MLLT1: variants seen among roughly 807,000 people sequenced by gnomAD.
The protein encoded by MLLT1 is MLLT1 super elongation complex subunit, also known as protein ENL.
MLLT1 carries 11 observed loss-of-function variants against 55.1 expected under a neutral mutation model. The ratio of observed to expected loss-of-function variants is 0.20; its 90% CI spans 0.13 to 0.33. MLLT1 has a LOEUF of 0.33. MLLT1 is among the 10% of genes least tolerant of loss of function. MLLT1 has a pLI of 1.00. For synonymous variants in MLLT1, 323 were observed against 320.1 expected, an observed-to-expected ratio of 1.01 and a Z score of -0.10; for missense variants, 536 against 760.6, an observed-to-expected ratio of 0.70 and a Z score of 3.47.
At chr19:6,237,126 T>C (rs2091070145) in intron 3 of MLLT1, among the ~76,000 whole-genome samples, 1 of 152,196 alleles carries the variant, frequency 6.6e-6, no homozygotes, top group African/African-American at 2.4e-5. Flanking sequence ...TGGTGCTCCT[T>C]GGGATGAGGA....
In MLLT1 at chr19:6,212,024, A is replaced by C. The variant is rs2090778104; in HGVS notation, c.*1018T>G. 8 of 1,065,772 alleles carry C rather than the reference A, an allele frequency of 7.5e-6. No homozygotes were observed. The highest frequency in any genetic ancestry group is 9.1e-6 in the Non-Finnish European group (8 of 879,290). 66.0% of individuals were successfully genotyped at this position (1,065,772 alleles called of 1,614,324 possible). A position where few individuals can be genotyped will look rare whatever the true frequency, so the allele number is the denominator to read the frequency against. On this transcript the variant is annotated 3_prime_UTR_variant, in exon 12 of 12. Coordinates refer to ENST00000252674, the MANE Select transcript of MLLT1 (RefSeq NM_005934.4). ...GACCAGAGTTCAATGCGCCTCAGAA[A>C]ACTCCATAAACTATCCCGTCTTATT...
chr19:6,272,090 C>T (rs1468681448), intron 1 of MLLT1, among the ~76,000 whole-genome samples: 1 of 151,912 alleles, frequency 6.6e-6, no homozygotes, highest in African/African-American at 2.4e-5. Flanking sequence ...CCCACCCCCG[C>T]CCGCCATGTT....
At chr19:6,267,778 C>T (rs8099971) in intron 2 of MLLT1, among the ~76,000 whole-genome samples, 49,618 of 152,104 alleles carry the variant, frequency 0.33, 9,460 homozygotes, top group East Asian at 0.64. Context: ...TCTTGGTCTT[C>T]GTCAATAAGC....
intron 2 of MLLT1, among the ~76,000 whole-genome samples, chr19:6,269,528 C>T (rs1005764049): frequency 5.9e-5 from 9 of 152,214 alleles, no homozygotes; most frequent in Non-Finnish European, 8.8e-5. Context: ...CTGAGGGAAT[C>T]GCAGGTGGGC....
intron 3 of MLLT1, among the ~76,000 whole-genome samples, chr19:6,232,353 T>A (rs2144881389): frequency 6.6e-6 from 1 of 152,316 alleles, no homozygotes; most frequent in East Asian, 1.9e-4. Context: ...AGGAGTCTCT[T>A]CAACCAATGG....
At position 6,219,794 on chromosome 19, in the gene MLLT1, A is replaced by T. The variant is rs1371636840; in HGVS notation, c.1111-1753T>A. On this transcript the variant is annotated intron_variant, in intron 6 of 11. Transcript: ENST00000252674. This position sits in a 1 kb window ranked among gnomAD's most constrained non-coding sequence, Gnocchi z 4.5. ...GCACAAGGTCAGCAGGGATGGAAGC[A>T]GAGAGGATGCTGAGCCCCGAGAGGC... 6.6e-6 allele frequency among the ~76,000 whole-genome samples: 1 copy of T among 152,240 alleles called. No individual in the cohort carries two copies. Among genetic ancestry groups the T allele is most frequent in the African/African-American group, 2.4e-5 (1 of 41,464 alleles).
intron 2 of MLLT1, chr19:6,263,548 C>A (rs2091322552): frequency 6.6e-6 from 1 of 152,384 alleles, no homozygotes; most frequent in Non-Finnish European, 1.5e-5. Flanking sequence ...GTGACGGGTA[C>A]TCCAAGCCTG....
intron 2 of MLLT1, among the ~76,000 whole-genome samples, chr19:6,267,503 G>T (rs2091358363): frequency 6.6e-6 from 1 of 152,038 alleles, no homozygotes; most frequent in South Asian, 2.1e-4. Flanking sequence ...GAAGTAAGGG[G>T]GTATTCCAAA....
intron 3 of MLLT1, among the ~76,000 whole-genome samples, chr19:6,244,030 C>G (rs1336731133): frequency 8.2e-6 from 1 of 121,560 alleles, no homozygotes; most frequent in African/African-American, 3.3e-5. Context: ...GGTGACAGAG[C>G]AAGACTCCAC....
At chr19:6,220,830 C>T (rs1234184192) in intron 6 of MLLT1, among the ~76,000 whole-genome samples, 1 of 152,182 alleles carries the variant, frequency 6.6e-6, no homozygotes, top group Non-Finnish European at 1.5e-5. Flanking sequence ...CCAGCAGGCA[C>T]CGCCAGGCCC....
In MLLT1 at chr19:6,219,973, CA is replaced by C. The variant is rs2090880081; in HGVS notation, c.1111-1933del. Reference sequence around the variant, plus strand: ...CCTAAGGTGGTGTGATCAGAAGGGCCACCGGAGCACGCCCGGGGCTCAGAGG... The same window carrying C: ...CCTAAGGTGGTGTGATCAGAAGGGCCCCGGAGCACGCCCGGGGCTCAGAGG... On this transcript the variant is annotated intron_variant, in intron 6 of 11. Coordinates refer to ENST00000252674, the MANE Select transcript of MLLT1 (RefSeq NM_005934.4). The surrounding 1 kb of genome is among the most constrained non-coding windows in gnomAD (Gnocchi z 4.5). 6.6e-6 allele frequency among the ~76,000 whole-genome samples: 1 copy of C among 152,208 alleles called. No homozygotes were observed. The highest frequency in any genetic ancestry group is 2.4e-5 in the African/African-American group (1 of 41,452).
At chr19:6,272,656 C>G (rs552424377) in intron 1 of MLLT1, among the ~76,000 whole-genome samples, 1 of 152,248 alleles carries the variant, frequency 6.6e-6, no homozygotes. Flanking sequence ...ACATCTTGTT[C>G]GTCCTCTTAG....
intron 2 of MLLT1, among the ~76,000 whole-genome samples, chr19:6,265,049 C>CAAAAACAAAAAAAAAAAAAAAAAAAAAAA (rs1568296295): frequency 4.3e-5 from 1 of 23,294 alleles, no homozygotes; most frequent in Admixed American, 4.9e-4. Context: ...AAAAAAAAAA[C>CAAAAACAAAAAAAAAAAAAAAAAAAAAAA]AAAAAAACAA....
Position 6,273,380 on chromosome 19 carries a change from G to T in MLLT1, c.13-2621C>A, listed in dbSNP as rs1462271653. 6.6e-6 allele frequency among the ~76,000 whole-genome samples: 1 copy of T among 152,206 alleles called. No homozygotes were observed. The highest frequency in any genetic ancestry group is 1.5e-5 in the Non-Finnish European group (1 of 68,036). On this transcript the variant is annotated intron_variant, in intron 1 of 11. Transcript: ENST00000252674. The surrounding 1 kb of genome is among the most constrained non-coding windows in gnomAD (Gnocchi z 4.3). ...GGCAGCAGGGACATTCACGACCCCA[G>T]TGTGGGAAGAAAGTGGGGATGGACG... is the stretch of plus-strand genomic sequence containing the variant.
intron 3 of MLLT1, among the ~76,000 whole-genome samples, chr19:6,238,912 G>A (rs978111185): frequency 2.0e-5 from 3 of 152,256 alleles, no homozygotes; most frequent in Admixed American, 6.5e-5. Flanking sequence ...ACTAGGCAGC[G>A]AGCCCTGTGG....
chr19:6,213,238 G>A, intron 11 of MLLT1, 68 bp from the exon 12 acceptor site: 1 of 1,608,688 alleles, frequency 6.2e-7, no homozygotes, highest in East Asian at 2.2e-5. Flanking sequence ...TTCCCTAACA[G>A]AGGTAGGGGC....
chr19:6,221,755 C>T (rs1386589682), intron 6 of MLLT1, among the ~76,000 whole-genome samples: 1 of 152,218 alleles, frequency 6.6e-6, no homozygotes, highest in Non-Finnish European at 1.5e-5. Context: ...ATGGTCAGAG[C>T]AACCATGAGA....
In MLLT1 at chr19:6,230,185, C is replaced by T. The variant is rs2090995661; in HGVS notation, c.420+385G>A. Among the ~76,000 whole-genome samples the T allele has an allele frequency of 6.6e-6, 1 of 152,196 alleles. No homozygotes were observed. The highest frequency in any genetic ancestry group is 1.5e-5 in the Non-Finnish European group (1 of 68,030). ...AGAGCTGGCACTGTCGTCTGGCCTC[C>T]CGAAGTCAGAGGTGATGGCGATGCG... On this transcript the variant is annotated intron_variant, in intron 4 of 11. Coordinates refer to ENST00000252674, the MANE Select transcript of MLLT1 (RefSeq NM_005934.4). The surrounding 1 kb of genome is among the most constrained non-coding windows in gnomAD (Gnocchi z 9.0).
Position 6,211,634 on chromosome 19 carries a change from A to T in MLLT1, c.*1408T>A. 1 of 1,064,902 alleles carries T rather than the reference A, an allele frequency of 9.4e-7. No homozygotes were observed. Among genetic ancestry groups the T allele is most frequent in the Non-Finnish European group, 1.1e-6 (1 of 878,922 alleles). The allele number at this position is 1,064,902 out of a possible 1,614,324, so 66.0% of individuals were successfully genotyped here. On this transcript the variant is annotated 3_prime_UTR_variant, in exon 12 of 12. Coordinates refer to ENST00000252674, the MANE Select transcript of MLLT1 (RefSeq NM_005934.4). The surrounding 1 kb of genome is among the most constrained non-coding windows in gnomAD (Gnocchi z 4.6). The stretch of plus-strand genomic sequence containing the variant: ...GCCCTCTTTTCCTCATAACTTGGTC[A>T]GGGCACAAGGACTTGAAAGGACTTG...
Sources: allele counts gnomAD v4.1 joint callset (sites outside exome capture counted in the v4.1 genomes callset), GRCh38; gene constraint gnomAD v4.1.1; non-coding constraint Gnocchi (gnomAD v3.1); transcripts MANE v1.5; gene names NCBI Gene and HGNC (gene_info 2026-07-23, HGNC 2026-07-21).